The following SPEN variants were observed in gnomAD, a reference collection of about 807,000 sequenced individuals.
The protein encoded by SPEN is msx2-interacting protein.
In SPEN, 18 loss-of-function variants were observed where a neutral mutation model predicts 269.9. That is an observed-to-expected ratio of 0.07 (90% CI 0.05 to 0.10). SPEN has a LOEUF of 0.10. Ranked by LOEUF, SPEN falls within the 10% of genes least tolerant of loss-of-function variation. The probability of loss-of-function intolerance (pLI) is 1.00; values close to 1 mark genes in which losing one functional copy is unlikely to be tolerated. For synonymous variants in SPEN, 1,726 were observed against 1,765.7 expected (o/e 0.98, Z 0.56); for missense variants, 3,822 against 4,631.2 (o/e 0.83, Z 5.07).
chr1:15,895,927 A>G (rs898323471), intron 3 of SPEN, among the ~76,000 whole-genome samples: 1 of 151,688 alleles, frequency 6.6e-6, no homozygotes, highest in Middle Eastern at 3.4e-3. Context: ...CAGGTGATCC[A>G]CCTGTCTCGG....
intron 5 of SPEN, 119 bp from the exon 6 acceptor site, chr1:15,916,009 G>C (rs2071063854): frequency 4.3e-6 from 5 of 1,158,172 alleles, no homozygotes; most frequent in South Asian, 1.8e-5. Flanking sequence ...CAGTTTATGT[G>C]AGTATTCAAG....
intron 3 of SPEN, among the ~76,000 whole-genome samples, chr1:15,897,033 G>A (rs2070848185): frequency 6.6e-6 from 1 of 152,120 alleles, no homozygotes; most frequent in Non-Finnish European, 1.5e-5. Context: ...GCTTTGTCTA[G>A]TAAGAGAAAG....
intron 10 of SPEN, among the ~76,000 whole-genome samples, chr1:15,926,911 C>G (rs2071172928): frequency 6.6e-6 from 1 of 152,060 alleles, no homozygotes; most frequent in Non-Finnish European, 1.5e-5. Flanking sequence ...CCAGGATGGT[C>G]TTGATCTCCT....
At chr1:15,908,821 A>G (rs939738016) in intron 3 of SPEN, among the ~76,000 whole-genome samples, 11 of 152,064 alleles carry the variant, frequency 7.2e-5, no homozygotes, top group African/African-American at 2.7e-4. Flanking sequence ...TAGAAATACT[A>G]TTTTCATTTA....
At position 15,860,378 on chromosome 1, in the gene SPEN, G is replaced by GGTGTGTGTGTGT. The variant is rs60005872; in HGVS notation, c.83+12257_83+12268dup. Among the ~76,000 whole-genome samples, 724 of 121,202 alleles carry GGTGTGTGTGTGT rather than the reference G, an allele frequency of 6.0e-3. 8 individuals carry two copies. Among genetic ancestry groups the GGTGTGTGTGTGT allele is most frequent in the South Asian group, 0.017 (52 of 3,122 alleles). The allele number at this position is 121,202 out of a possible 152,430, so 79.5% of individuals were successfully genotyped here. On this transcript the variant is annotated intron_variant, in intron 1 of 14. Transcript: ENST00000375759. ...TCTCAGCCTCCCAAGTAGCTTCAGA[G>GGTGTGTGTGTGT]GTGTGTGTGTGTGTGTGTGTGTGTG...
chr1:15,875,561 G>A (rs532410681), intron 2 of SPEN, among the ~76,000 whole-genome samples: 17 of 150,758 alleles, frequency 1.1e-4, no homozygotes, highest in Non-Finnish European at 2.4e-4. Context: ...GTTTTTTTTT[G>A]AGATTCTATT....
chr1:15,851,827 CA>C (rs1222256879), intron 1 of SPEN, among the ~76,000 whole-genome samples: 1 of 152,016 alleles, frequency 6.6e-6, no homozygotes, highest in Non-Finnish European at 1.5e-5. Context: ...TACTAAAATA[CA>C]AAAAATTAGC....
chr1:15,912,511 AAG>A (rs1224270026), intron 5 of SPEN, among the ~76,000 whole-genome samples: 2 of 152,224 alleles, frequency 1.3e-5, no homozygotes, highest in African/African-American at 4.8e-5. Flanking sequence ...GATAATTAAA[AAG>A]AAAAAAATGT....
chr1:15,894,721 G>A (rs1020226125), intron 3 of SPEN, among the ~76,000 whole-genome samples: 1 of 151,678 alleles, frequency 6.6e-6, no homozygotes, highest in Non-Finnish European at 1.5e-5. Flanking sequence ...TGTATTTTTA[G>A]TAGAGACGGG....
chr1:15,926,304 G>A (rs937922082), intron 10 of SPEN, among the ~76,000 whole-genome samples: 11 of 151,886 alleles, frequency 7.2e-5, no homozygotes, highest in African/African-American at 1.7e-4. Context: ...TGGTGGTGAG[G>A]TAGGAGAATC....
At chr1:15,870,752 A>AAGG (rs36118445) in intron 1 of SPEN, among the ~76,000 whole-genome samples, 151,682 of 152,282 alleles carry the variant, frequency 1, 75,551 homozygotes, top group Middle Eastern at 1. Context: ...CACTTCTAGA[A>AAGG]AGGAGTATTG....
rs2071268443 is a variant in SPEN at position 15,935,786 on chromosome 1, T to C, written c.9546T>C (p.Ser3182=). 1 of 1,613,742 alleles carries C rather than the reference T, an allele frequency of 6.2e-7. No individual in the cohort carries two copies. The highest frequency in any genetic ancestry group is 1.3e-5 in the African/African-American group (1 of 74,888). The change falls in exon 11 of 15, where the codon TCT becomes TCC. Residue 3182 remains serine (S), a synonymous_variant. Transcript: ENST00000375759. The surrounding 1 kb of genome is among the most constrained non-coding windows in gnomAD (Gnocchi z 7.7). ...PVQSEVLVMQ[S]EYRLHPYTVP... is the part of the protein sequence containing the mutation. ...AGTCAGAGGTACTAGTCATGCAGTC[T>C]GAGTACCGACTGCACCCCTATACTG... is the stretch of plus-strand genomic sequence containing the variant.
chr1:15,908,870 G>A (rs2070986145), intron 3 of SPEN, among the ~76,000 whole-genome samples: 1 of 152,094 alleles, frequency 6.6e-6, no homozygotes, highest in African/African-American at 2.4e-5. Flanking sequence ...GTTCCATGTG[G>A]TAACTTTAGG....
At position 15,928,586 on chromosome 1, in the gene SPEN, G is replaced by A. The variant is rs1395673452; in HGVS notation, c.2346G>A (p.Leu782=). The A allele has an allele frequency of 6.2e-7, 1 of 1,614,124 alleles. No homozygotes were observed. Among genetic ancestry groups the A allele is most frequent in the Admixed American group, 1.7e-5 (1 of 60,022 alleles). Residue 782 remains leucine (L), a synonymous_variant, in exon 11 of 15, where the codon TTG becomes TTA. Transcript: ENST00000375759. This position sits in a 1 kb window ranked among gnomAD's most constrained non-coding sequence, Gnocchi z 5.7. ...ATGAGAAACTGGACAAGTCTCGTTT[G>A]GAGCGCTATACAAAAAATGAAAAGA... The part of the protein sequence containing the change: ...PRYEKLDKSR[L]ERYTKNEKTD...
chr1:15,938,918 G>A lies in SPEN; in HGVS notation c.10863+42G>A, dbSNP rs766105549. On this transcript the variant is annotated intron_variant, in intron 14 of 14. Coordinates refer to ENST00000375759, the MANE Select transcript of SPEN (RefSeq NM_015001.3). ...CCTTCCTTCACATGTACACCCACAGGTGGGGCTGATCAGGGTAGGTGGGCC... is the reference window on the plus strand; with the variant it reads ...CCTTCCTTCACATGTACACCCACAGATGGGGCTGATCAGGGTAGGTGGGCC... The A allele has an allele frequency of 5.0e-6, 8 of 1,599,516 alleles. No homozygotes were observed. In the East Asian group the frequency reaches 1.1e-4, roughly 22 times the overall value.
intron 1 of SPEN, among the ~76,000 whole-genome samples, chr1:15,872,265 C>G (rs564783648): frequency 7.1e-6 from 1 of 140,920 alleles, no homozygotes; most frequent in African/African-American, 2.6e-5. Context: ...GCTAAGGGTT[C>G]TAGAAAGGTG....
chr1:15,876,650 A>C lies in SPEN; in HGVS notation c.853A>C (p.Ser285Arg). The change falls in exon 3 of 15, where the codon AGC (serine) becomes CGC (arginine). Residue 285 changes from serine (S) to arginine (R), a missense_variant. Ser to Arg is a moderately radical substitution (Grantham distance 110). This residue lies in a region of SPEN where 327 missense variants were observed against 350.8 expected (regional missense o/e 0.93). Transcript: ENST00000375759. ...RSRSSSSDSI[S>R]SSSSTSSDSS... is the part of the protein sequence containing the mutation. ...TAGATCCTCCAGTAGTGATTCAATCAGCAGCAGCAGTAGTACCAGCAGTGA... is the reference window on the plus strand; with the variant it reads ...TAGATCCTCCAGTAGTGATTCAATCCGCAGCAGCAGTAGTACCAGCAGTGA... 1 of 1,613,066 alleles carries C rather than the reference A, an allele frequency of 6.2e-7. No individual in the cohort carries two copies. The highest frequency in any genetic ancestry group is 8.5e-7 in the Non-Finnish European group (1 of 1,179,538).
At chr1:15,914,783 C>T (rs185151916) in intron 5 of SPEN, among the ~76,000 whole-genome samples, 256 of 152,022 alleles carry the variant, frequency 1.7e-3, no homozygotes, top group Admixed American at 4.1e-3. Flanking sequence ...GAGATTGCTC[C>T]GCTGCACTCC....
In SPEN at chr1:15,930,039, G is replaced by T. The variant is rs199725789; in HGVS notation, c.3799G>T (p.Gly1267Cys). The T allele has an allele frequency of 1.9e-6, 3 of 1,614,160 alleles. No individual in the cohort carries two copies. The highest frequency in any genetic ancestry group is 2.5e-6 in the Non-Finnish European group (3 of 1,180,036). The change falls in exon 11 of 15, where the codon GGT becomes TGT. Residue 1267 changes from glycine to cysteine, a missense_variant. By Grantham distance (159) the Gly-to-Cys change is radical. This residue lies in a region of SPEN where 267 missense variants were observed against 315.5 expected (regional missense o/e 0.85). Coordinates refer to ENST00000375759, the MANE Select transcript of SPEN (RefSeq NM_015001.3). This position sits in a 1 kb window ranked among gnomAD's most constrained non-coding sequence, Gnocchi z 5.3. Reference sequence around the variant, plus strand: ...TGGTGGTTCTCCCAGTGTCCGACATGGTTCCTTCCATGAAGATGAGGATCC... The same window carrying T: ...TGGTGGTTCTCCCAGTGTCCGACATTGTTCCTTCCATGAAGATGAGGATCC... Reference protein sequence around the residue: ...RTGGSPSVRHGSFHEDEDPIG... With the variant: ...RTGGSPSVRHCSFHEDEDPIG...
Sources: gnomAD v4.1 joint callset for allele counts (sites outside exome capture counted in the v4.1 genomes callset) on GRCh38, gnomAD v4.1.1 for gene constraint, gnomAD v4.1.1 regional missense constraint, Gnocchi (gnomAD v3.1) non-coding constraint, MANE v1.5 for transcripts, NCBI Gene and HGNC (gene_info 2026-07-23, HGNC 2026-07-21) for gene names.